Variants in HAS1 observed in about 807,000 individuals in gnomAD.
HAS1 encodes the protein HA synthase 1.
HAS1 carries 27 observed loss-of-function variants against 35.0 expected under a neutral mutation model. The ratio of observed to expected loss-of-function variants is 0.77; its 90% confidence interval spans 0.57 to 1.06. The LOEUF (loss-of-function observed/expected upper bound fraction) is 1.06, where lower values mean the gene tolerates loss of function less well. Among genes scored for constraint, HAS1 ranks in the 50% least tolerant of loss-of-function variants. The pLI is 0.00. For synonymous variants in HAS1, 409 were observed against 371.2 expected (o/e 1.10, Z -1.17); for missense variants, 940 against 814.8 (o/e 1.15, Z -1.87).
rs1315676777 is a variant in HAS1 at position 51,713,778 on chromosome 19, C to T, written c.1383G>A (p.Ser461=). 2 of 1,604,658 alleles carry T rather than the reference C, an allele frequency of 1.2e-6. No homozygotes were observed. Among genetic ancestry groups the T allele is most frequent in the African/African-American group, 1.3e-5 (1 of 74,846 alleles). The change falls in exon 5 of 5, where the codon TCG becomes TCA. Residue 461 remains serine, a synonymous_variant. Coordinates refer to ENST00000540069, the MANE Select transcript of HAS1 (RefSeq NM_001297436.2). This position sits in a 1 kb window ranked among gnomAD's most constrained non-coding sequence, Gnocchi z 4.5. ...LRGCLRMVLL[S]LYAPLYMCGL... is the part of the protein sequence containing the mutation. ...CACACATGTAGAGGGGCGCGTAGAG[C>T]GACAGAAGCACCATGCGCAGGCAGC... is the stretch of plus-strand genomic sequence containing the variant.
intron 2 of HAS1, among the ~76,000 whole-genome samples, chr19:51,717,515 T>C (rs970181729): frequency 2.0e-5 from 3 of 152,166 alleles, no homozygotes; most frequent in African/African-American, 7.2e-5. Flanking sequence ...AATATGGAAA[T>C]GGTGAATAGG....
intron 2 of HAS1, 122 bp from the exon 3 acceptor site, chr19:51,717,315 A>G: frequency 3.1e-6 from 2 of 642,280 alleles, no homozygotes; most frequent in East Asian, 5.5e-5. Context: ...CATAATTTTG[A>G]GATTTTTTAA....
At position 51,713,494 on chromosome 19, in the gene HAS1, G is replaced by A. The variant is rs1217318210; in HGVS notation, c.1667C>T (p.Thr556Met). 3 of 1,605,754 alleles carry A rather than the reference G, an allele frequency of 1.9e-6. No homozygotes were observed. The highest frequency in any genetic ancestry group is 2.5e-6 in the Non-Finnish European group (3 of 1,176,640). ...CCTCCGCACGCCCACCCAGTACAGC[G>A]TCAACATGGCCACCCAGTAGCCCAC... The part of the protein sequence containing the change: ...AYVGYWVAML[T>M]LYWVGVRRLC... The change falls in exon 5 of 5, where the codon ACG becomes ATG. Residue 556 changes from threonine to methionine, a missense_variant. Transcript: ENST00000540069. The surrounding 1 kb of genome is among the most constrained non-coding windows in gnomAD (Gnocchi z 4.5).
At chr19:51,718,662 G>A (rs8113099) in intron 2 of HAS1, among the ~76,000 whole-genome samples, 34,687 of 152,044 alleles carry the variant, frequency 0.23, 4,028 homozygotes, top group Admixed American at 0.28. Context: ...TCAGCCTCCC[G>A]AGTAGCTGGG....
rs759023526 is a variant in HAS1, at chr19:51,716,284, G to T, written c.1030C>A (p.Arg344Ser). ...TFGDDRHLTN[R>S]MLSMGYATKY... is the part of the protein sequence containing the mutation. The stretch of plus-strand genomic sequence containing the variant: ...GTAGCATAACCCATGCTGAGCATGC[G>T]GTTGGTGAGGTGCCGGTCATCCCCA... Residue 344 changes from arginine (R) to serine (S), a missense_variant, in exon 4 of 5, where the codon CGC (arginine) becomes AGC (serine). Transcript: ENST00000540069. The T allele has an allele frequency of 2.3e-5, 37 of 1,613,940 alleles. No homozygotes were observed. Among genetic ancestry groups the T allele is most frequent in the Non-Finnish European group, 3.0e-5 (35 of 1,179,854 alleles).
chr19:51,723,555 C>A (rs1192289753), intron 1 of HAS1, among the ~76,000 whole-genome samples: 1 of 152,198 alleles, frequency 6.6e-6, no homozygotes, highest in East Asian at 1.9e-4. Flanking sequence ...AAATCCAACT[C>A]TCTTTCTCAC....
chr19:51,714,523 T>TTA (rs2083572137), intron 4 of HAS1, among the ~76,000 whole-genome samples: 1 of 85,874 alleles, frequency 1.2e-5, no homozygotes, highest in Non-Finnish European at 2.2e-5. Context: ...ACCCCATCTC[T>TTA]AAAAAAAAAA....
chr19:51,723,007 C>A (rs992825696), intron 1 of HAS1, among the ~76,000 whole-genome samples: 1 of 152,188 alleles, frequency 6.6e-6, no homozygotes, highest in Non-Finnish European at 1.5e-5. Context: ...TCTTTCTTCT[C>A]GAATCCCCCT....
intron 1 of HAS1, among the ~76,000 whole-genome samples, chr19:51,720,921 T>C (rs963188041): frequency 1.3e-5 from 2 of 152,226 alleles, no homozygotes; most frequent in Non-Finnish European, 2.9e-5. Context: ...ATCAAAGGTT[T>C]CTTAGGGTTG....
intron 3 of HAS1, 63 bp downstream of exon 3, chr19:51,716,905 A>G: frequency 1.8e-6 from 2 of 1,127,002 alleles, no homozygotes; most frequent in Non-Finnish European, 2.7e-6. Context: ...CCTCAGCCCC[A>G]TCCGGCTTCC....
chr19:51,719,854 G>A lies in HAS1; in HGVS notation c.51C>T (p.Gly17=). The part of the protein sequence containing the change: ...KPTPAACRCS[G]LARRVLTIAF... ...CGATGGTCAGCACCCTCCGGGCCAGGCCGGAGCAGCGGCAGGCTGCAGGAG... is the reference window on the plus strand; with the variant it reads ...CGATGGTCAGCACCCTCCGGGCCAGACCGGAGCAGCGGCAGGCTGCAGGAG... The change falls in exon 2 of 5, where the codon GGC becomes GGT. Residue 17 remains glycine, a synonymous_variant. Transcript: ENST00000540069. 2 of 1,547,228 alleles carry A rather than the reference G, an allele frequency of 1.3e-6. No individual in the cohort carries two copies. Among genetic ancestry groups the A allele is most frequent in the South Asian group, 2.4e-5 (2 of 84,484 alleles).
Position 51,719,224 on chromosome 19 carries a change from A to C in HAS1, c.681T>G (p.Asp227Glu). ...VMYTAFKALG[D>E]SVDYVQVCDS... ...TACTCACCTGCACGTAGTCCACCGAATCTCCGAGCGCCTTGAAGGCTGTGT... is the reference window on the plus strand; with the variant it reads ...TACTCACCTGCACGTAGTCCACCGACTCTCCGAGCGCCTTGAAGGCTGTGT... The change falls in exon 2 of 5, where the codon GAT becomes GAG. Residue 227 changes from aspartate to glutamate, a missense_variant. Physicochemically the swap from Asp to Glu is conservative, Grantham distance 45 (BLOSUM62 2). Transcript: ENST00000540069. 6.4e-7 allele frequency: 1 copy of C among 1,571,430 alleles called. No individual in the cohort carries two copies.
chr19:51,716,243 C>G lies in HAS1; in HGVS notation c.1058+13G>C, dbSNP rs376105659. The G allele has an allele frequency of 6.2e-7, 1 of 1,609,420 alleles. No individual in the cohort carries two copies. The highest frequency in any genetic ancestry group is 1.3e-5 in the African/African-American group (1 of 74,778). On this transcript the variant is annotated intron_variant, in intron 4 of 4. Transcript: ENST00000540069. ...CTCCACACATACCCGACCACCTGGT[C>G]CCCTCAGCTTACTTGGTAGCATAAC...
chr19:51,714,929 T>C (rs1011047434), intron 4 of HAS1, among the ~76,000 whole-genome samples: 2 of 152,150 alleles, frequency 1.3e-5, no homozygotes, highest in African/African-American at 4.8e-5. Context: ...TGCTTACTAT[T>C]ACTGGCAGGC....
At chr19:51,714,466 A>G (rs1433838996) in intron 4 of HAS1, among the ~76,000 whole-genome samples, 3 of 147,948 alleles carry the variant, frequency 2.0e-5, no homozygotes, top group African/African-American at 7.5e-5. Context: ...AGGTAGGGGG[A>G]TCACTTGAGG....
At position 51,717,108 on chromosome 19, in the gene HAS1, A is replaced by G; in HGVS notation, c.785T>C (p.Val262Ala). ...GTTAAGGATCCGCACGTCCCCACCA[A>G]CAGCCCCTACCCGGGGGTCCTCGTC... Reference protein sequence around the residue: ...VLDEDPRVGAVGGDVRILNPL... With the variant: ...VLDEDPRVGAAGGDVRILNPL... Residue 262 changes from valine to alanine, a missense_variant, in exon 3 of 5, where the codon GTT (valine) becomes GCT (alanine). Val to Ala is a moderately conservative substitution (Grantham distance 64, BLOSUM62 0). Transcript: ENST00000540069. 6.2e-7 allele frequency: 1 copy of G among 1,613,958 alleles called. No homozygotes were observed. The highest frequency in any genetic ancestry group is 8.5e-7 in the Non-Finnish European group (1 of 1,179,930).
rs1042306044 is a variant in HAS1 at position 51,714,893 on chromosome 19, T to C, written c.1059-791A>G. ...GTTACTGACACTATTACTAATACTA[T>C]CACTAACATATTACTAATACTACCA... On this transcript the variant is annotated intron_variant, in intron 4 of 4. Coordinates refer to ENST00000540069, the MANE Select transcript of HAS1 (RefSeq NM_001297436.2). Among the ~76,000 whole-genome samples the C allele has an allele frequency of 1.8e-4, 28 of 152,070 alleles. 1 individual carries two copies. The highest frequency in any genetic ancestry group is 6.5e-4 in the African/African-American group (27 of 41,414).
chr19:51,723,809 C>T (rs776813478), intron 1 of HAS1, 116 bp downstream of exon 1: 15 of 1,002,012 alleles, frequency 1.5e-5, no homozygotes, highest in Non-Finnish European at 2.0e-5. Flanking sequence ...TGGATACACA[C>T]ATGAAATCAT....
chr19:51,716,604 G>A (rs755538094), intron 3 of HAS1, among the ~76,000 whole-genome samples: 7 of 151,980 alleles, frequency 4.6e-5, no homozygotes, highest in Non-Finnish European at 1.0e-4. Flanking sequence ...TATACCCACT[G>A]TGACTGCAAA....
Sources: gnomAD v4.1 joint callset for allele counts (sites outside exome capture counted in the v4.1 genomes callset) on GRCh38, gnomAD v4.1.1 for gene constraint, Gnocchi (gnomAD v3.1) non-coding constraint, MANE v1.5 for transcripts, NCBI Gene and HGNC (gene_info 2026-07-23, HGNC 2026-07-21) for gene names.